The following INTS4 variants were observed in gnomAD, a reference collection of about 807,000 sequenced individuals.
INTS4 encodes MSTP093.
INTS4 carries 70 observed loss-of-function variants against 119.5 expected under a neutral mutation model. The ratio of observed to expected loss-of-function variants is 0.59; its 90% CI spans 0.48 to 0.71. INTS4 has a LOEUF of 0.71. INTS4 is among the 30% of genes least tolerant of loss of function. The pLI, the probability that INTS4 is intolerant of heterozygous loss-of-function variation, is 0.00. For missense variants in INTS4, 867 were observed against 1,173.2 expected, an observed-to-expected ratio of 0.74 and a Z score of 3.81; for synonymous variants, 316 against 419.6, an observed-to-expected ratio of 0.75 and a Z score of 3.02.
chr11:77,901,368 G>A (rs1952771660), intron 18 of INTS4, 53 bp downstream of exon 18: 3 of 1,586,650 alleles, frequency 1.9e-6, no homozygotes, highest in East Asian at 4.5e-5. Context: ...GAATGCATTT[G>A]AAGTATCTTT....
At chr11:77,895,783 A>T (rs1952491457) in intron 18 of INTS4, among the ~76,000 whole-genome samples, 2 of 152,120 alleles carry the variant, frequency 1.3e-5, no homozygotes, top group Non-Finnish European at 2.9e-5. Context: ...GTAAAATACA[A>T]AAAGATTTGG....
rs757466320 is a variant in INTS4 at position 77,878,963 on chromosome 11, G to T, written c.2878C>A (p.Pro960Thr). The change falls in exon 23 of 23, where the codon CCT becomes ACT. Residue 960 changes from proline to threonine, a missense_variant. Coordinates refer to ENST00000534064, the MANE Select transcript of INTS4 (RefSeq NM_033547.4). The part of the protein sequence containing the change: ...KPVKVYIMPK[P>T]ARR The stretch of plus-strand genomic sequence containing the variant: ...CTGTTTTTGCCTTAGCGCCGTGCAG[G>T]TTTGGGCATTATATAAACTTTTACA... The T allele has an allele frequency of 6.8e-6, 11 of 1,613,840 alleles. No homozygotes were observed. In the East Asian group the frequency reaches 2.5e-4, roughly 36 times the overall value.
Position 77,891,392 on chromosome 11 carries a change from C to A in INTS4, c.2519G>T (p.Gly840Val). The change falls in exon 21 of 23, where the codon GGG becomes GTG. Residue 840 changes from glycine (G) to valine (V), a missense_variant. Around this residue, in one of 5 missense-constraint regions of INTS4, gnomAD observed 262 missense variants for 376.0 expected, o/e 0.70. Coordinates refer to ENST00000534064, the MANE Select transcript of INTS4 (RefSeq NM_033547.4). Reference protein sequence around the residue: ...ESDNPLRFTSGLVVALDVDAT... With the variant: ...ESDNPLRFTSVLVVALDVDAT... ...ATCAACATCCAGGGCAACCACCAAC[C>A]CAGAGGTAAACCGCAAAGGGTTGTC... is the stretch of plus-strand genomic sequence containing the variant. The A allele has an allele frequency of 3.1e-6, 5 of 1,612,884 alleles. No individual in the cohort carries two copies. Among genetic ancestry groups the A allele is most frequent in the Non-Finnish European group, 3.4e-6 (4 of 1,179,486 alleles).
In INTS4 at chr11:77,986,850, T is replaced by C. The variant is rs1238559758; in HGVS notation, c.246+4258A>G. 7.8e-5 allele frequency among the ~76,000 whole-genome samples: 4 copies of C among 51,238 alleles called. No homozygotes were observed. The South Asian group carries it at 2.4e-3, about 31-fold the overall frequency. The allele number at this position is 51,238 out of a possible 152,430, so 33.6% of individuals were successfully genotyped here. A position where few individuals can be genotyped will look rare whatever the true frequency, so the allele number is the denominator to read the frequency against. On this transcript the variant is annotated intron_variant, in intron 2 of 22. Transcript: ENST00000534064. ...CGGGGCCTGTTGGGGAGTGGGGGGC[T>C]GGGGGAGGGATAGCATTAGGAGAAA...
chr11:77,946,607 A>C (rs1416695834), intron 8 of INTS4, among the ~76,000 whole-genome samples: 1 of 152,018 alleles, frequency 6.6e-6, no homozygotes, highest in Non-Finnish European at 1.5e-5. Flanking sequence ...CAAAATATAA[A>C]AAAATTAGTC....
At chr11:77,878,551 G>A (rs1291646826), downstream of INTS4, 3 of 506,678 alleles carry the variant, frequency 5.9e-6, no homozygotes, top group African/African-American at 5.9e-5. Flanking sequence ...GAGTTGCCCT[G>A]ACAAACACAC....
At position 77,907,697 on chromosome 11, in the gene INTS4, T is replaced by C. The variant is rs772099097; in HGVS notation, c.2016+20A>G. The stretch of plus-strand genomic sequence containing the variant: ...GCATTTTTAGCAACACAATCATAAA[T>C]GGAATGGATGCAAACCAACCTTGAT... On this transcript the variant is annotated intron_variant, in intron 16 of 22. Coordinates refer to ENST00000534064, the MANE Select transcript of INTS4 (RefSeq NM_033547.4). The C allele has an allele frequency of 1.3e-6, 2 of 1,575,330 alleles. No homozygotes were observed. The highest frequency in any genetic ancestry group is 3.3e-5 in the Admixed American group (2 of 59,768).
intron 15 of INTS4, among the ~76,000 whole-genome samples, chr11:77,917,183 T>C (rs933951540): frequency 2.9e-4 from 44 of 152,214 alleles, no homozygotes; most frequent in Non-Finnish European, 2.2e-4. Context: ...ACAGAGCTTG[T>C]TTCTTAGTGT....
In INTS4 at chr11:77,943,212, G is replaced by C. The variant is rs1365301140; in HGVS notation, c.919-1961C>G. Among the ~76,000 whole-genome samples, 4 of 152,256 alleles carry C rather than the reference G, an allele frequency of 2.6e-5. No homozygotes were observed. In the East Asian group the frequency reaches 7.7e-4, roughly 29 times the overall value. ...CGCTCGTCCAACACAGCAGCACAGA[G>C]GGAGTGCTATGCAAATTTGTGCCCC... On this transcript the variant is annotated intron_variant, in intron 8 of 22. Transcript: ENST00000534064.
intron 21 of INTS4, among the ~76,000 whole-genome samples, chr11:77,890,783 A>G (rs1399646734): frequency 2.0e-5 from 3 of 152,258 alleles, no homozygotes; most frequent in Non-Finnish European, 4.4e-5. Flanking sequence ...TGAATGAAGT[A>G]GTAGTACTCT....
chr11:77,970,547 C>T (rs1436868095), intron 4 of INTS4, among the ~76,000 whole-genome samples: 2 of 151,146 alleles, frequency 1.3e-5, no homozygotes, highest in Non-Finnish European at 2.9e-5. Flanking sequence ...GCTGAGCGAA[C>T]ACCAGGCACA....
At chr11:77,891,953 A>T in intron 19 of INTS4, 113 bp from the exon 20 acceptor site, 1 of 1,547,834 alleles carries the variant, frequency 6.5e-7, no homozygotes, top group Non-Finnish European at 8.7e-7. Context: ...AAGTGAGAGG[A>T]GCTTGCAGTT....
In INTS4 at chr11:77,956,734, T is replaced by A. The variant is rs71468307; in HGVS notation, c.798-672A>T. Among the ~76,000 whole-genome samples, 6 of 28,958 alleles carry A rather than the reference T, an allele frequency of 2.1e-4. 1 individual carries two copies. The highest frequency in any genetic ancestry group is 6.1e-4 in the African/African-American group (4 of 6,558). The allele number at this position is 28,958 out of a possible 152,430, so 19.0% of individuals were successfully genotyped here. A position where few individuals can be genotyped will look rare whatever the true frequency, so the allele number is the denominator to read the frequency against. ...AAAATAATAATAATAATAATAATAA[T>A]AATAATAATAATAATAATAATAATA... On this transcript the variant is annotated intron_variant, in intron 7 of 22. Coordinates refer to ENST00000534064, the MANE Select transcript of INTS4 (RefSeq NM_033547.4).
At chr11:77,912,658 T>C (rs1380223569) in intron 15 of INTS4, among the ~76,000 whole-genome samples, 1 of 152,234 alleles carries the variant, frequency 6.6e-6, no homozygotes, top group Non-Finnish European at 1.5e-5. Flanking sequence ...AATTAATGTC[T>C]CTTAGTAGCT....
At chr11:77,907,678 T>G in intron 16 of INTS4, 39 bp downstream of exon 16, 1 of 1,476,156 alleles carries the variant, frequency 6.8e-7, no homozygotes, top group Non-Finnish European at 9.5e-7. Flanking sequence ...AGATGCATTT[T>G]TAGCAACACA....
At chr11:77,990,428 G>GT (rs1269019391) in intron 2 of INTS4, among the ~76,000 whole-genome samples, 6 of 152,090 alleles carry the variant, frequency 3.9e-5, no homozygotes, top group African/African-American at 1.4e-4. Context: ...GCTCACGCCT[G>GT]TAATCCTAAC....
At chr11:77,892,787 A>G (rs1952332407) in intron 19 of INTS4, among the ~76,000 whole-genome samples, 1 of 151,946 alleles carries the variant, frequency 6.6e-6, no homozygotes, top group African/African-American at 2.4e-5. Flanking sequence ...GTGTCACTAT[A>G]TTGGCCAGGC....
intron 22 of INTS4, among the ~76,000 whole-genome samples, chr11:77,880,116 G>A (rs1951734745): frequency 6.6e-6 from 1 of 152,218 alleles, no homozygotes; most frequent in South Asian, 2.1e-4. Context: ...GGAATGGAGT[G>A]AGCTTGGGAT....
chr11:77,923,303 G>C (rs1355035819), intron 12 of INTS4, among the ~76,000 whole-genome samples: 1 of 110,222 alleles, frequency 9.1e-6, no homozygotes, highest in Non-Finnish European at 1.7e-5. Context: ...GCGATAAAGA[G>C]AGACTCTGTC....
Sources: gnomAD v4.1 joint callset for allele counts (sites outside exome capture counted in the v4.1 genomes callset) on GRCh38, gnomAD v4.1.1 for gene constraint, gnomAD v4.1.1 regional missense constraint, MANE v1.5 for transcripts, NCBI Gene and HGNC (gene_info 2026-07-23, HGNC 2026-07-21) for gene names.